The following FSD1 variants were observed in gnomAD, a reference collection of about 807,000 sequenced individuals.
FSD1 encodes the protein fibronectin type III and SPRY domain-containing protein 1.
In FSD1, 23 loss-of-function variants were observed where a neutral mutation model predicts 58.2. That is an observed-to-expected ratio of 0.40 (90% confidence interval 0.28 to 0.56). The LOEUF (loss-of-function observed/expected upper bound fraction) is 0.56, where lower values mean the gene tolerates loss of function less well. Among genes scored for constraint, FSD1 ranks in the 20% least tolerant of loss-of-function variants. FSD1 has a pLI of 0.54. For synonymous variants in FSD1, 265 were observed against 263.4 expected, an observed-to-expected ratio of 1.01 and a Z score of -0.06; for missense variants, 563 against 670.8, an observed-to-expected ratio of 0.84 and a Z score of 1.78.
In FSD1 at chr19:4,323,081, G is replaced by A; in HGVS notation, c.1135G>A (p.Gly379Ser). The A allele has an allele frequency of 6.2e-7, 1 of 1,610,626 alleles. No homozygotes were observed. Among genetic ancestry groups the A allele is most frequent in the Non-Finnish European group, 8.5e-7 (1 of 1,179,740 alleles). ...FGVGVAYRSL[G>S]RFEQLGKTAA... is the part of the protein sequence containing the mutation. ...CGTGGGCGTGGCCTACCGCAGCCTG[G>A]GCCGCTTCGAGCAACTGGGCAAGAC... is the stretch of plus-strand genomic sequence containing the variant. Residue 379 changes from glycine (G) to serine (S), a missense_variant, in exon 11 of 13, where the codon GGC becomes AGC. Physicochemically the swap from Gly to Ser is moderately conservative, Grantham distance 56. Transcript: ENST00000221856. The surrounding 1 kb of genome is among the most constrained non-coding windows in gnomAD (Gnocchi z 7.7).
intron 6 of FSD1, 50 bp from the exon 7 acceptor site, chr19:4,311,792 C>A (rs774411323): frequency 6.3e-7 from 1 of 1,580,878 alleles, no homozygotes; most frequent in African/African-American, 1.3e-5. Flanking sequence ...CCCCCTGCCC[C>A]CTGAACCAGG....
rs1971763239 is a variant in FSD1 at position 4,317,093 on chromosome 19, G to A, written c.701-89G>A. 2.7e-5 allele frequency: 21 copies of A among 789,116 alleles called. No individual in the cohort carries two copies. The South Asian group carries it at 2.8e-4, about 10-fold the overall frequency. The allele number at this position is 789,116 out of a possible 1,614,324, so 48.9% of individuals were successfully genotyped here. On this transcript the variant is annotated intron_variant, in intron 7 of 12. Coordinates refer to ENST00000221856, the MANE Select transcript of FSD1 (RefSeq NM_024333.3). Reference sequence around the variant, plus strand: ...AAGGTGGTTCTTAGAATGGCGTTGGGAATCACTGTGGGACATGACAGCTTT... The same window carrying A: ...AAGGTGGTTCTTAGAATGGCGTTGGAAATCACTGTGGGACATGACAGCTTT...
At chr19:4,318,991 G>T in intron 10 of FSD1, 40 bp downstream of exon 10, 1 of 1,527,792 alleles carries the variant, frequency 6.5e-7, no homozygotes, top group East Asian at 2.3e-5. Context: ...GGAGTTTTGG[G>T]CAGGGGCCTA....
In FSD1 at chr19:4,304,644, G is replaced by A; in HGVS notation, c.-103G>A. 1.5e-6 allele frequency: 1 copy of A among 667,748 alleles called. No homozygotes were observed. Among genetic ancestry groups the A allele is most frequent in the Non-Finnish European group, 2.1e-6 (1 of 475,470 alleles). 41.4% of individuals were successfully genotyped at this position (667,748 alleles called of 1,614,324 possible). On this transcript the variant is annotated 5_prime_UTR_variant, in exon 1 of 13. Transcript: ENST00000221856. ...CGCTAACCGGGGGCGCGGCGGCGGC[G>A]AGGGCTCGGCGGGCCATTGGCTACC... is the stretch of plus-strand genomic sequence containing the variant.
chr19:4,306,156 T>A, intron 2 of FSD1, 42 bp from the exon 3 acceptor site: 1 of 1,613,648 alleles, frequency 6.2e-7, no homozygotes, highest in Non-Finnish European at 8.5e-7. Context: ...AGGTTCCCTC[T>A]CTGAACACGG....
rs772675784 is a variant in FSD1, at chr19:4,306,354, TC to T, written c.243+31del. On this transcript the variant is annotated intron_variant, in intron 3 of 12. Coordinates refer to ENST00000221856, the MANE Select transcript of FSD1 (RefSeq NM_024333.3). ...GGTGAGGGCTGAGGGCATCTTCCTC[TC>T]CCCCCGCCCCTCCTACTCAACAGAA... The T allele has an allele frequency of 3.1e-6, 5 of 1,610,394 alleles. No individual in the cohort carries two copies. In the Admixed American group the frequency reaches 6.7e-5, roughly 22 times the overall value.
chr19:4,305,886 G>T (rs1971614482), intron 1 of FSD1, 60 bp from the exon 2 acceptor site: 3 of 1,239,578 alleles, frequency 2.4e-6, no homozygotes, highest in Non-Finnish European at 3.6e-6. Context: ...ACACGTGTGT[G>T]TACCTGTGTG....
chr19:4,315,372 T>G (rs908335225), intron 7 of FSD1, among the ~76,000 whole-genome samples: 16 of 143,566 alleles, frequency 1.1e-4, no homozygotes, highest in Admixed American at 5.0e-4. Flanking sequence ...GCAGTGGTGC[T>G]ATCTCGGCTC....
rs926263509 is a variant in FSD1, at chr19:4,304,618, G to T, written c.-129G>T. 8.3e-6 allele frequency: 4 copies of T among 480,882 alleles called. No individual in the cohort carries two copies. The highest frequency in any genetic ancestry group is 4.5e-5 in the Admixed American group (1 of 22,008). 29.8% of individuals were successfully genotyped at this position (480,882 alleles called of 1,614,324 possible). On this transcript the variant is annotated 5_prime_UTR_variant, in exon 1 of 13. Coordinates refer to ENST00000221856, the MANE Select transcript of FSD1 (RefSeq NM_024333.3). ...CCTGCGCAATGCGCGCGGTGATGGA[G>T]CGCTAACCGGGGGCGCGGCGGCGGC...
At chr19:4,312,216 C>G (rs1434302380) in intron 7 of FSD1, among the ~76,000 whole-genome samples, 165 bp downstream of exon 7, 2 of 152,138 alleles carry the variant, frequency 1.3e-5, no homozygotes, top group African/African-American at 4.8e-5. Context: ...TGGCCAGGCG[C>G]GGTGGCTCAT....
chr19:4,307,382 GT>G (rs1165114427), intron 3 of FSD1, among the ~76,000 whole-genome samples: 1 of 151,098 alleles, frequency 6.6e-6, no homozygotes, highest in Non-Finnish European at 1.5e-5. Flanking sequence ...GTTTTGTTTT[GT>G]TTTTGAGATG....
intron 9 of FSD1, 140 bp from the exon 10 acceptor site, chr19:4,318,732 C>T (rs569273210): frequency 2.9e-5 from 22 of 770,060 alleles, no homozygotes; most frequent in Middle Eastern, 3.8e-4. Context: ...ATGAGGTGCT[C>T]GATATATAGA....
chr19:4,311,791 C>G (rs770976294), intron 6 of FSD1, 51 bp from the exon 7 acceptor site: 7 of 1,571,876 alleles, frequency 4.5e-6, no homozygotes, highest in Non-Finnish European at 5.3e-6. Context: ...GCCCCCTGCC[C>G]CCTGAACCAG....
intron 10 of FSD1, among the ~76,000 whole-genome samples, chr19:4,320,570 T>C (rs1971802519): frequency 1.3e-5 from 2 of 151,646 alleles, no homozygotes; most frequent in South Asian, 4.2e-4. Context: ...CTGAAAGGAG[T>C]AACTGAGGCT....
chr19:4,308,032 T>G, intron 4 of FSD1, 49 bp downstream of exon 4: 1 of 1,447,096 alleles, frequency 6.9e-7, no homozygotes, highest in South Asian at 1.2e-5. Context: ...CCCAGTCACG[T>G]TTGCATTTCA....
In FSD1 at chr19:4,322,979, G is replaced by T; in HGVS notation, c.1040-7G>T. On this transcript the variant is annotated splice_region_variant and splice_polypyrimidine_tract_variant and intron_variant, in intron 10 of 12. Coordinates refer to ENST00000221856, the MANE Select transcript of FSD1 (RefSeq NM_024333.3). ...CCCCTGCCCACCCCTCCTGCCCTGC[G>T]CCACAGGGGACACGCTGATCGACGG... 6.2e-7 allele frequency: 1 copy of T among 1,606,700 alleles called. No individual in the cohort carries two copies.
intron 7 of FSD1, among the ~76,000 whole-genome samples, chr19:4,312,688 C>T (rs1278564849): frequency 6.6e-6 from 1 of 151,634 alleles, no homozygotes; most frequent in African/African-American, 2.4e-5. Context: ...ACCTGTAGTC[C>T]CAGCTGCTCA....
In FSD1 at chr19:4,323,770, A is replaced by C; in HGVS notation, c.*127A>C. The C allele has an allele frequency of 1.5e-6, 1 of 684,200 alleles. No individual in the cohort carries two copies. The highest frequency in any genetic ancestry group is 2.5e-6 in the Non-Finnish European group (1 of 407,174). 42.4% of individuals were successfully genotyped at this position (684,200 alleles called of 1,614,324 possible). On this transcript the variant is annotated 3_prime_UTR_variant, in exon 13 of 13. Transcript: ENST00000221856. The surrounding 1 kb of genome is among the most constrained non-coding windows in gnomAD (Gnocchi z 7.7). ...CTTAACTCCAGATGGGGGGGTCACC[A>C]AGAGGGAGTGGGCACCCTGGCGGGC...
At chr19:4,304,936 C>T (rs867245997) in intron 1 of FSD1, among the ~76,000 whole-genome samples, 175 bp downstream of exon 1, 1 of 127,488 alleles carries the variant, frequency 7.8e-6, no homozygotes, top group African/African-American at 2.9e-5. Context: ...CAGTTTGGGA[C>T]GCAGCCCCCC....
Sources: gnomAD v4.1 joint callset for allele counts (sites outside exome capture counted in the v4.1 genomes callset) on GRCh38, gnomAD v4.1.1 for gene constraint, Gnocchi (gnomAD v3.1) non-coding constraint, MANE v1.5 for transcripts, NCBI Gene and HGNC (gene_info 2026-07-23, HGNC 2026-07-21) for gene names.